HS3ST4: variants seen among roughly 807,000 people sequenced by gnomAD.
HS3ST4 encodes the protein heparan sulfate-glucosamine 3-sulfotransferase 4.
Under a neutral mutation model 29.2 loss-of-function variants are expected in HS3ST4, and 17 were observed. That is an observed-to-expected ratio of 0.58 (90% CI 0.40 to 0.87). The LOEUF is 0.87. Ranked by LOEUF, HS3ST4 falls within the 40% of genes least tolerant of loss-of-function variation. The pLI, the probability that HS3ST4 is intolerant of heterozygous loss-of-function variation, is 0.00. For synonymous variants in HS3ST4, 314 were observed against 285.7 expected, an observed-to-expected ratio of 1.10 and a Z score of -1.00; for missense variants, 627 against 634.5, an observed-to-expected ratio of 0.99 and a Z score of 0.13.
At chr16:25,942,560 G>C (rs1442609041) in intron 1 of HS3ST4, among the ~76,000 whole-genome samples, 1 of 151,656 alleles carries the variant, frequency 6.6e-6, no homozygotes, top group Non-Finnish European at 1.5e-5. Flanking sequence ...TATTTCCTTA[G>C]GTCCTTGAGG....
At chr16:25,994,525 G>A (rs536084496) in intron 1 of HS3ST4, among the ~76,000 whole-genome samples, 2 of 151,922 alleles carry the variant, frequency 1.3e-5, no homozygotes, top group African/African-American at 4.8e-5. Flanking sequence ...GCTAATTTTT[G>A]ATATTGGTAA....
chr16:25,847,397 T>C (rs926693821), intron 1 of HS3ST4, among the ~76,000 whole-genome samples: 3 of 152,234 alleles, frequency 2.0e-5, no homozygotes, highest in African/African-American at 7.2e-5. Context: ...AAGTTGAGTT[T>C]AGTAGTTTTT....
intron 1 of HS3ST4, among the ~76,000 whole-genome samples, chr16:26,066,028 T>A (rs964886436): frequency 5.3e-5 from 8 of 152,178 alleles, no homozygotes; most frequent in South Asian, 2.1e-4. Flanking sequence ...TCAAAAGAGG[T>A]GGACATGAGA....
intron 1 of HS3ST4, among the ~76,000 whole-genome samples, chr16:25,697,225 T>C (rs1017472730): frequency 6.6e-6 from 1 of 152,116 alleles, no homozygotes; most frequent in African/African-American, 2.4e-5. Context: ...AACATTTTAG[T>C]GGGAGGGTTG....
At chr16:25,804,325 C>A (rs185758459) in intron 1 of HS3ST4, among the ~76,000 whole-genome samples, 1 of 152,260 alleles carries the variant, frequency 6.6e-6, no homozygotes, top group Admixed American at 6.5e-5. Flanking sequence ...AAGAGCTCTG[C>A]AAATTTGTTT....
chr16:25,796,491 G>A (rs187149098), intron 1 of HS3ST4, among the ~76,000 whole-genome samples: 162 of 152,290 alleles, frequency 1.1e-3, no homozygotes, highest in Middle Eastern at 3.4e-3. Flanking sequence ...TCTGTCTTCC[G>A]GTCTATAGTG....
chr16:25,901,833 C>G (rs149822476), intron 1 of HS3ST4, among the ~76,000 whole-genome samples: 1 of 152,132 alleles, frequency 6.6e-6, no homozygotes, highest in Non-Finnish European at 1.5e-5. Context: ...TTCATTTTTT[C>G]CATTACAGAA....
chr16:25,847,443 C>A (rs1328058485), intron 1 of HS3ST4, among the ~76,000 whole-genome samples: 1 of 152,106 alleles, frequency 6.6e-6, no homozygotes, highest in Non-Finnish European at 1.5e-5. Flanking sequence ...CAAATAGTGA[C>A]AGTTTGTGAC....
At chr16:25,958,150 A>G (rs548244943) in intron 1 of HS3ST4, among the ~76,000 whole-genome samples, 5 of 152,270 alleles carry the variant, frequency 3.3e-5, no homozygotes, top group South Asian at 2.1e-4. Flanking sequence ...TTAGGAAGAG[A>G]GAGAAATATT....
chr16:26,074,642 C>T (rs1305858534), intron 1 of HS3ST4, among the ~76,000 whole-genome samples: 2 of 152,136 alleles, frequency 1.3e-5, no homozygotes, highest in Non-Finnish European at 2.9e-5. Context: ...TGAATATTTT[C>T]CTATCATTCT....
At chr16:25,879,730 A>G (rs1967874127) in intron 1 of HS3ST4, among the ~76,000 whole-genome samples, 1 of 152,182 alleles carries the variant, frequency 6.6e-6, no homozygotes, top group Non-Finnish European at 1.5e-5. Flanking sequence ...AGGGTGATGT[A>G]TTAGTCTCTT....
At chr16:26,089,152 T>G (rs1043960829) in intron 1 of HS3ST4, among the ~76,000 whole-genome samples, 2 of 152,194 alleles carry the variant, frequency 1.3e-5, no homozygotes, top group Admixed American at 1.3e-4. Flanking sequence ...CTGGTCCCAC[T>G]GTGCTCCTAG....
chr16:25,767,165 G>T (rs1400362305), intron 1 of HS3ST4, among the ~76,000 whole-genome samples: 2 of 152,174 alleles, frequency 1.3e-5, no homozygotes, highest in Non-Finnish European at 2.9e-5. Flanking sequence ...GTGGTTGGGG[G>T]AACTTTAGCT....
At chr16:25,969,687 A>G (rs1164581681) in intron 1 of HS3ST4, among the ~76,000 whole-genome samples, 1 of 152,194 alleles carries the variant, frequency 6.6e-6, no homozygotes, top group Non-Finnish European at 1.5e-5. Context: ...AATAAGGTGC[A>G]TGCATGTAGG....
At chr16:26,124,407 A>G (rs1033804563) in intron 1 of HS3ST4, among the ~76,000 whole-genome samples, 1 of 152,158 alleles carries the variant, frequency 6.6e-6, no homozygotes, top group African/African-American at 2.4e-5. Context: ...CCTTTAAGAA[A>G]CACTAATAAG....
At chr16:25,900,569 C>T (rs761944353) in intron 1 of HS3ST4, among the ~76,000 whole-genome samples, 1 of 152,064 alleles carries the variant, frequency 6.6e-6, no homozygotes, top group Non-Finnish European at 1.5e-5. Context: ...ATGTGCCAGG[C>T]GTGTTAGGAG....
chr16:25,957,601 T>C (rs1287289439), intron 1 of HS3ST4, among the ~76,000 whole-genome samples: 1 of 152,158 alleles, frequency 6.6e-6, no homozygotes, highest in Non-Finnish European at 1.5e-5. Context: ...GTATTTTTAG[T>C]GGAGATGGGG....
At chr16:26,026,414 A>G (rs1356247836) in intron 1 of HS3ST4, among the ~76,000 whole-genome samples, 2 of 152,210 alleles carry the variant, frequency 1.3e-5, no homozygotes, top group African/African-American at 4.8e-5. Context: ...GAGTGGCTCC[A>G]AGGTTGGGTA....
At chr16:25,823,720 C>T (rs138301713) in intron 1 of HS3ST4, among the ~76,000 whole-genome samples, 2 of 152,114 alleles carry the variant, frequency 1.3e-5, no homozygotes, top group African/African-American at 4.8e-5. Flanking sequence ...ACCATGATGC[C>T]CAGCTAAGTT....
Sources: gnomAD v4.1 joint callset for allele counts (sites outside exome capture counted in the v4.1 genomes callset) on GRCh38, gnomAD v4.1.1 for gene constraint, MANE v1.5 for transcripts, NCBI Gene and HGNC (gene_info 2026-07-23, HGNC 2026-07-21) for gene names.